Variants in DLC1 observed in about 807,000 individuals in gnomAD.
The protein encoded by DLC1 is rho GTPase-activating protein 7.
DLC1 carries 54 observed loss-of-function variants against 140.3 expected under a neutral mutation model. The ratio of observed to expected loss-of-function variants is 0.38; its 90% confidence interval spans 0.31 to 0.48. DLC1 has a LOEUF of 0.48. DLC1 is among the 20% of genes least tolerant of loss of function. DLC1 has a pLI of 0.96. For synonymous variants in DLC1, 986 were observed against 728.1 expected (o/e 1.35, Z -5.70); for missense variants, 2,536 against 1,907.0 (o/e 1.33, Z -6.14).
intron 5 of DLC1, among the ~76,000 whole-genome samples, chr8:13,298,331 C>G (rs1222380025): frequency 6.6e-6 from 1 of 152,130 alleles, no homozygotes; most frequent in Non-Finnish European, 1.5e-5. Context: ...CAAATAGTAC[C>G]ATTAATTCAT....
At chr8:13,103,504 T>A (rs1819282654) in intron 7 of DLC1, among the ~76,000 whole-genome samples, 2 of 151,848 alleles carry the variant, frequency 1.3e-5, no homozygotes, top group African/African-American at 4.8e-5. Context: ...CAATAACTCT[T>A]AGGTTGAGCC....
At chr8:13,603,247 T>G (rs376400876) in intron 1 of DLC1, among the ~76,000 whole-genome samples, 16 of 152,010 alleles carry the variant, frequency 1.1e-4, no homozygotes, top group African/African-American at 3.6e-4. Flanking sequence ...ATGATTAATA[T>G]CAGTTCATTC....
At chr8:13,276,552 C>T (rs546390486) in intron 5 of DLC1, 10 of 1,289,038 alleles carry the variant, frequency 7.8e-6, no homozygotes, top group South Asian at 7.7e-5. Flanking sequence ...CAACTGCAGG[C>T]GGCCTCCTGG....
chr8:13,358,169 C>T (rs903936036), intron 4 of DLC1, among the ~76,000 whole-genome samples: 5 of 152,184 alleles, frequency 3.3e-5, no homozygotes, highest in Non-Finnish European at 7.3e-5. Context: ...AAAAAAATAG[C>T]TGTAAGTCAG....
intron 5 of DLC1, among the ~76,000 whole-genome samples, chr8:13,210,077 TG>T (rs1427967200): frequency 3.3e-5 from 5 of 152,120 alleles, no homozygotes; most frequent in African/African-American, 4.8e-5. Flanking sequence ...AGAGAGGAAA[TG>T]TTTTTTTCTT....
intron 5 of DLC1, among the ~76,000 whole-genome samples, chr8:13,277,349 T>G (rs1831214358): frequency 6.6e-6 from 1 of 152,148 alleles, no homozygotes; most frequent in Non-Finnish European, 1.5e-5. Context: ...CACCTGAGTT[T>G]TAAACAAAAT....
chr8:13,463,182 T>C (rs1799753388), intron 2 of DLC1, among the ~76,000 whole-genome samples: 1 of 152,054 alleles, frequency 6.6e-6, no homozygotes, highest in Non-Finnish European at 1.5e-5. Context: ...ACAACAGACT[T>C]ACCTATCATA....
rs559150046 is a variant in DLC1 at position 13,428,489 on chromosome 8, AAAG to A, written c.1024-26873_1024-26871del. Reference sequence around the variant, plus strand: ...CAAACTGAAAGCTTTGAGAGCTCCTAAAGAAGAATATTTAGTTTGATTTAACCA... The same window carrying A: ...CAAACTGAAAGCTTTGAGAGCTCCTAAAGAATATTTAGTTTGATTTAACCA... On this transcript the variant is annotated intron_variant, in intron 2 of 17. Coordinates refer to ENST00000276297, the MANE Select transcript of DLC1 (RefSeq NM_182643.3). Among the ~76,000 whole-genome samples, 108 of 152,302 alleles carry A rather than the reference AAAG, an allele frequency of 7.1e-4. 1 individual carries two copies. The highest frequency in any genetic ancestry group is 2.5e-3 in the African/African-American group (106 of 41,574).
At chr8:13,487,643 G>A (rs112093148) in intron 2 of DLC1, among the ~76,000 whole-genome samples, 5,138 of 150,948 alleles carry the variant, frequency 0.034, 283 homozygotes, top group African/African-American at 0.12. Context: ...GCGTGAGTTC[G>A]GCTCACTGCA....
intron 4 of DLC1, among the ~76,000 whole-genome samples, chr8:13,346,107 G>T (rs1385152782): frequency 1.3e-5 from 2 of 152,184 alleles, no homozygotes; most frequent in African/African-American, 2.4e-5. Flanking sequence ...AAGAATTTCA[G>T]ATATGAGAAA....
chr8:13,233,466 TG>T (rs1202829123), intron 5 of DLC1, among the ~76,000 whole-genome samples: 4 of 152,078 alleles, frequency 2.6e-5, no homozygotes, highest in African/African-American at 9.7e-5. Context: ...CATTTTAATA[TG>T]TTTTTTCCCC....
chr8:13,245,159 C>G (rs1369485766), intron 5 of DLC1, among the ~76,000 whole-genome samples: 1 of 152,204 alleles, frequency 6.6e-6, no homozygotes, highest in Non-Finnish European at 1.5e-5. Context: ...AGAGGTCTGA[C>G]TGCCCTGAGG....
intron 4 of DLC1, chr8:13,338,440 A>C (rs902360250): frequency 6.6e-6 from 1 of 152,184 alleles, no homozygotes; most frequent in African/African-American, 2.4e-5. Flanking sequence ...GAAAAGAATA[A>C]ATCATTCTGC....
chr8:13,301,421 C>A (rs760551460), intron 5 of DLC1, among the ~76,000 whole-genome samples: 1 of 152,142 alleles, frequency 6.6e-6, no homozygotes, highest in East Asian at 1.9e-4. Flanking sequence ...AGTGATGCAG[C>A]GAGTGTCCAT....
chr8:13,586,625 A>ACACACACG (rs71541615), intron 1 of DLC1, among the ~76,000 whole-genome samples: 1 of 135,896 alleles, frequency 7.4e-6, no homozygotes, highest in African/African-American at 2.9e-5. Context: ...ACACACACAC[A>ACACACACG]CCTGCATGTA....
intron 16 of DLC1, among the ~76,000 whole-genome samples, chr8:13,088,122 C>T (rs1237023706): frequency 6.6e-6 from 1 of 152,108 alleles, no homozygotes; most frequent in African/African-American, 2.4e-5. Context: ...GCTCTGTTGC[C>T]CAGGCTGCGG....
intron 5 of DLC1, among the ~76,000 whole-genome samples, chr8:13,144,296 T>C (rs957567600): frequency 6.6e-6 from 1 of 152,184 alleles, no homozygotes; most frequent in Non-Finnish European, 1.5e-5. Context: ...CCAGTGCCCC[T>C]GCAGGATCTT....
chr8:13,183,836 G>C (rs952839435), intron 5 of DLC1, among the ~76,000 whole-genome samples: 2 of 152,290 alleles, frequency 1.3e-5, no homozygotes, highest in Non-Finnish European at 2.9e-5. Context: ...CTCATAAAAT[G>C]AGTTAGGGAG....
chr8:13,215,896 G>A (rs146571518), intron 5 of DLC1, among the ~76,000 whole-genome samples: 311 of 152,162 alleles, frequency 2.0e-3, no homozygotes, highest in African/African-American at 6.1e-3. Flanking sequence ...GCTACAACTC[G>A]TCTCCCCAGT....
Sources: gnomAD v4.1 joint callset for allele counts (sites outside exome capture counted in the v4.1 genomes callset) on GRCh38, gnomAD v4.1.1 for gene constraint, MANE v1.5 for transcripts, NCBI Gene and HGNC (gene_info 2026-07-23, HGNC 2026-07-21) for gene names.